The following ISM1 variants were observed in gnomAD, a reference collection of about 807,000 sequenced individuals.
ISM1 encodes isthmin-1.
Under a neutral mutation model 46.3 loss-of-function variants are expected in ISM1, and 25 were observed. That is an observed-to-expected ratio of 0.54 (90% CI 0.39 to 0.75). The LOEUF is 0.75. Among genes scored for constraint, ISM1 ranks in the 30% least tolerant of loss-of-function variants. The pLI is 0.00. For synonymous variants in ISM1, 255 were observed against 256.7 expected (o/e 0.99, Z 0.06); for missense variants, 536 against 625.4 (o/e 0.86, Z 1.52).
At chr20:13,226,599 G>T (rs574225180) in intron 1 of ISM1, among the ~76,000 whole-genome samples, 2 of 152,190 alleles carry the variant, frequency 1.3e-5, no homozygotes, top group African/African-American at 4.8e-5. Flanking sequence ...ATGTAGCTGT[G>T]GCCATCTGTT....
intron 2 of ISM1, 102 bp downstream of exon 2, chr20:13,270,845 A>AAC: frequency 9.0e-7 from 1 of 1,108,754 alleles, no homozygotes; most frequent in Non-Finnish European, 1.3e-6. Context: ...TTTTCTTCTT[A>AAC]ACCCCTTAAT....
At chr20:13,288,995 C>A (rs940887645) in intron 4 of ISM1, among the ~76,000 whole-genome samples, 1 of 152,042 alleles carries the variant, frequency 6.6e-6, no homozygotes, top group Admixed American at 6.6e-5. Context: ...ACCATGTTGG[C>A]CAGGTTGGTC....
chr20:13,311,673 A>G, the ISM1 span, among the ~76,000 whole-genome samples: 2 of 152,220 alleles, frequency 1.3e-5, no homozygotes, highest in South Asian at 4.1e-4. Flanking sequence ...GTTTAGTGAT[A>G]TAAGTCAGGC....
intron 1 of ISM1, chr20:13,239,542 A>C (rs947535330): frequency 1.3e-5 from 2 of 152,190 alleles, no homozygotes; most frequent in African/African-American, 2.4e-5. Context: ...ATCTACATGA[A>C]GTACCTTTTG....
At chr20:13,290,823 T>C (rs750950988) in intron 4 of ISM1, among the ~76,000 whole-genome samples, 1 of 152,232 alleles carries the variant, frequency 6.6e-6, no homozygotes, top group Non-Finnish European at 1.5e-5. Context: ...GAAATAGGTA[T>C]TTATGATTGT....
Position 13,221,694 on chromosome 20 carries a change from G to C in ISM1, c.-83G>C. 2 of 1,188,428 alleles carry C rather than the reference G, an allele frequency of 1.7e-6. No individual in the cohort carries two copies. The highest frequency in any genetic ancestry group is 6.9e-5 in the East Asian group (2 of 29,132). The allele number at this position is 1,188,428 out of a possible 1,614,324, so 73.6% of individuals were successfully genotyped here. A position where few individuals can be genotyped will look rare whatever the true frequency, so the allele number is the denominator to read the frequency against. ...GCGGGAGCCGCGCTGCCGGGCTCCC[G>C]GGCTCCTACTCCTCCTCCCCCGGCG... On this transcript the variant is annotated 5_prime_UTR_variant, in exon 1 of 6. Coordinates refer to ENST00000262487, the MANE Select transcript of ISM1 (RefSeq NM_080826.2).
chr20:13,263,825 A>T (rs1171664086), intron 1 of ISM1, among the ~76,000 whole-genome samples: 9 of 152,204 alleles, frequency 5.9e-5, no homozygotes, highest in African/African-American at 2.2e-4. Context: ...CTAATTAACT[A>T]TATTGTTAGT....
At chr20:13,289,796 T>C (rs1022293129) in intron 4 of ISM1, among the ~76,000 whole-genome samples, 1 of 152,232 alleles carries the variant, frequency 6.6e-6, no homozygotes, top group Non-Finnish European at 1.5e-5. Context: ...ATAGTCTTAC[T>C]GTGTATTTCC....
chr20:13,274,223 T>G (rs1344969271), intron 2 of ISM1, among the ~76,000 whole-genome samples: 1 of 152,132 alleles, frequency 6.6e-6, no homozygotes, highest in Non-Finnish European at 1.5e-5. Flanking sequence ...GGTGATGGTT[T>G]CCGTGTTGGC....
intron 1 of ISM1, among the ~76,000 whole-genome samples, chr20:13,256,213 T>C (rs2039927237): frequency 6.6e-6 from 1 of 151,480 alleles, no homozygotes; most frequent in Non-Finnish European, 1.5e-5. Flanking sequence ...CTGGCCAACA[T>C]GGTGAAACCC....
Position 13,299,179 on chromosome 20 carries a change from T to C in ISM1, c.1115T>C (p.Met372Thr), listed in dbSNP as rs1207944340. The C allele has an allele frequency of 6.2e-7, 1 of 1,607,574 alleles. No homozygotes were observed. Among genetic ancestry groups the C allele is most frequent in the South Asian group, 1.1e-5 (1 of 90,028 alleles). Residue 372 changes from methionine to threonine, a missense_variant, in exon 6 of 6, where the codon ATG becomes ACG. Met to Thr is a moderately conservative substitution (Grantham distance 81). Transcript: ENST00000262487. The surrounding 1 kb of genome is among the most constrained non-coding windows in gnomAD (Gnocchi z 5.8). ...KPTARYCIRS[M>T]LSLESTTLAA... ...ACTGCCCGGTACTGCATCCGCTCCA[T>C]GCTGTCCCTGGAGAGCACCACGCTG...
chr20:13,256,330 AG>A (rs2039928281), intron 1 of ISM1, among the ~76,000 whole-genome samples: 1 of 140,956 alleles, frequency 7.1e-6, no homozygotes. Flanking sequence ...CAGGAGGTGG[AG>A]GTTACACTGA....
At chr20:13,314,810 C>T in the ISM1 span, among the ~76,000 whole-genome samples, 216 of 152,122 alleles carry the variant, frequency 1.4e-3, no homozygotes, top group Admixed American at 7.2e-3. Context: ...TTCAATTATG[C>T]ACATATCTAT....
At chr20:13,250,871 G>A (rs7264300) in intron 1 of ISM1, among the ~76,000 whole-genome samples, 16,353 of 152,188 alleles carry the variant, frequency 0.11, 1,039 homozygotes, top group African/African-American at 0.16. Flanking sequence ...TGGGTGGTTT[G>A]GGATGAGTGT....
intron 2 of ISM1, among the ~76,000 whole-genome samples, chr20:13,277,222 C>T (rs764767727): frequency 4.6e-5 from 7 of 152,094 alleles, no homozygotes; most frequent in South Asian, 2.1e-4. Context: ...TTGCAGGGCA[C>T]GTTTTGTTTA....
chr20:13,264,877 T>G (rs1478896809), intron 1 of ISM1, among the ~76,000 whole-genome samples: 1 of 152,130 alleles, frequency 6.6e-6, no homozygotes. Context: ...CAGGGCCAGC[T>G]GATGAGAATG....
intron 1 of ISM1, among the ~76,000 whole-genome samples, chr20:13,254,443 G>C (rs2123203475): frequency 6.6e-6 from 1 of 151,598 alleles, no homozygotes; most frequent in Admixed American, 6.6e-5. Flanking sequence ...TTGAATTCAA[G>C]AGAGCAAAAT....
chr20:13,274,673 C>G (rs1269193773), intron 2 of ISM1, among the ~76,000 whole-genome samples: 1 of 151,420 alleles, frequency 6.6e-6, no homozygotes, highest in Non-Finnish European at 1.5e-5. Context: ...ACTCCCCGCC[C>G]CCCCCGCGCC....
intron 1 of ISM1, among the ~76,000 whole-genome samples, chr20:13,235,953 C>T (rs987739391): frequency 8.8e-5 from 13 of 147,930 alleles, no homozygotes; most frequent in African/African-American, 1.3e-4. Context: ...GAAATGGAGT[C>T]TCATTGTGTC....
Sources: allele counts gnomAD v4.1 joint callset (sites outside exome capture counted in the v4.1 genomes callset), GRCh38; gene constraint gnomAD v4.1.1; non-coding constraint Gnocchi (gnomAD v3.1); transcripts MANE v1.5; gene names NCBI Gene and HGNC (gene_info 2026-07-23, HGNC 2026-07-21).